The following UCN3 variants were observed in gnomAD, a reference collection of about 807,000 sequenced individuals.
The protein encoded by UCN3 is urocortin 3.
Under a neutral mutation model 3.6 loss-of-function variants are expected in UCN3, and 3 were observed. The ratio of observed to expected loss-of-function variants is 0.83; its 90% CI spans 0.38 to 2.15. The LOEUF (loss-of-function observed/expected upper bound fraction) is 2.15. UCN3 is among the 30% of genes most tolerant of loss of function. The pLI, the probability that UCN3 is intolerant of heterozygous loss-of-function variation, is 0.06. For missense variants in UCN3, 206 were observed against 208.3 expected, an observed-to-expected ratio of 0.99 and a Z score of 0.07; for synonymous variants, 100 against 93.2, an observed-to-expected ratio of 1.07 and a Z score of -0.42.
In UCN3 at chr10:5,370,446, T is replaced by C. The variant is rs1347655207; in HGVS notation, c.-6-3269T>C. ...ATATGCGTGTGTATATGCGTGTGTA[T>C]GTGTGTGTGTATATGTGTGTATATG... On this transcript the variant is annotated intron_variant, in intron 1 of 1. Coordinates refer to ENST00000380433, the MANE Select transcript of UCN3 (RefSeq NM_053049.4). Among the ~76,000 whole-genome samples the C allele has an allele frequency of 1.2e-4, 10 of 85,788 alleles. 1 individual carries two copies. The highest frequency in any genetic ancestry group is 2.3e-4 in the Non-Finnish European group (10 of 43,186). 56.3% of individuals were successfully genotyped at this position (85,788 alleles called of 152,430 possible).
At chr10:5,370,066 T>TGC (rs1491390442) in intron 1 of UCN3, among the ~76,000 whole-genome samples, 955 of 42,182 alleles carry the variant, frequency 0.023, 187 homozygotes, top group Non-Finnish European at 0.037. Flanking sequence ...TGTGTGTATA[T>TGC]GTGTGTATAT....
rs375515440 is a variant in UCN3, at chr10:5,371,279, GTA to G, written c.-6-2430_-6-2429del. Among the ~76,000 whole-genome samples, 298 of 151,054 alleles carry G rather than the reference GTA, an allele frequency of 2.0e-3. 6 individuals are homozygous for G. Among genetic ancestry groups the G allele is most frequent in the African/African-American group, 6.9e-3 (282 of 40,688 alleles). On this transcript the variant is annotated intron_variant, in intron 1 of 1. Coordinates refer to ENST00000380433, the MANE Select transcript of UCN3 (RefSeq NM_053049.4). ...GAGGTGTGTGTGCGTGTATGTGCATGTATATATGTGTGTGCATGTGTCTATAT... is the reference window on the plus strand; with the variant it reads ...GAGGTGTGTGTGCGTGTATGTGCATGTATATGTGTGTGCATGTGTCTATAT...
At chr10:5,370,366 C>CGTGTGTATGT (rs1831358654) in intron 1 of UCN3, among the ~76,000 whole-genome samples, 1 of 6,892 alleles carries the variant, frequency 1.5e-4, no homozygotes, top group Non-Finnish European at 2.6e-4. Flanking sequence ...TGTGTATATG[C>CGTGTGTATGT]GTGTGTATAT....
chr10:5,374,437 C>G lies in UCN3; in HGVS notation c.*231C>G, dbSNP rs535637905. 1 of 526,108 alleles carries G rather than the reference C, an allele frequency of 1.9e-6. No homozygotes were observed. The highest frequency in any genetic ancestry group is 3.4e-6 in the Non-Finnish European group (1 of 293,362). The allele number at this position is 526,108 out of a possible 1,614,324, so 32.6% of individuals were successfully genotyped here. On this transcript the variant is annotated 3_prime_UTR_variant, in exon 2 of 2. Coordinates refer to ENST00000380433, the MANE Select transcript of UCN3 (RefSeq NM_053049.4). ...CAGAAGTGCAGTATTGTCCAACCTT[C>G]CCAGACACAAAGCAGCTAACGTTCC... is the stretch of plus-strand genomic sequence containing the variant.
At chr10:5,373,338 G>A (rs1424364736) in intron 1 of UCN3, among the ~76,000 whole-genome samples, 1 of 152,206 alleles carries the variant, frequency 6.6e-6, no homozygotes, top group Non-Finnish European at 1.5e-5. Context: ...TAGGCTGCTA[G>A]GTGCTTACTT....
In UCN3 at chr10:5,370,849, G is replaced by GTA. The variant is rs1554811406; in HGVS notation, c.-6-2866_-6-2865insTA. Among the ~76,000 whole-genome samples, 5 of 39,230 alleles carry GTA rather than the reference G, an allele frequency of 1.3e-4. No homozygotes were observed. In the South Asian group the frequency reaches 3.6e-3, roughly 28 times the overall value. The allele number at this position is 39,230 out of a possible 152,430, so 25.7% of individuals were successfully genotyped here. ...CGCGCGTGTGTGTGCGCGTGTGTGT[G>GTA]CGCGTGTGTGTGCGTGTGTATGTGT... On this transcript the variant is annotated intron_variant, in intron 1 of 1. Transcript: ENST00000380433.
chr10:5,369,897 G>C lies in UCN3; in HGVS notation c.-6-3818G>C, dbSNP rs1248264033. Among the ~76,000 whole-genome samples the C allele has an allele frequency of 2.2e-4, 29 of 132,334 alleles. 2 individuals are homozygous for C. Among genetic ancestry groups the C allele is most frequent in the Non-Finnish European group, 3.8e-4 (24 of 63,458 alleles). 86.8% of individuals were successfully genotyped at this position (132,334 alleles called of 152,430 possible). A position where few individuals can be genotyped will look rare whatever the true frequency, so the allele number is the denominator to read the frequency against. ...TATATGTGTGTGTATATGTGTGTGT[G>C]TATATGTGTGTGTGTATATGTGTGT... On this transcript the variant is annotated intron_variant, in intron 1 of 1. Coordinates refer to ENST00000380433, the MANE Select transcript of UCN3 (RefSeq NM_053049.4).
intron 1 of UCN3, among the ~76,000 whole-genome samples, chr10:5,370,727 C>G (rs199529421): frequency 1.6e-4 from 13 of 82,870 alleles, no homozygotes; most frequent in African/African-American, 6.8e-4. Flanking sequence ...TGTGTATATG[C>G]GTGTGTATAT....
At chr10:5,370,411 G>GCGTGTATA (rs1588400244) in intron 1 of UCN3, among the ~76,000 whole-genome samples, 1 of 42,774 alleles carries the variant, frequency 2.3e-5, no homozygotes. Flanking sequence ...GTGTGTATAT[G>GCGTGTATA]TGTGTGTGTA....
At chr10:5,371,332 G>C (rs2119110805) in intron 1 of UCN3, among the ~76,000 whole-genome samples, 1 of 151,852 alleles carries the variant, frequency 6.6e-6, no homozygotes, top group African/African-American at 2.4e-5. Context: ...TGTAAGGTGT[G>C]TATATGCACA....
Position 5,365,599 on chromosome 10 carries a change from G to A in UCN3, c.-7+369G>A, listed in dbSNP as rs1216034244. Among the ~76,000 whole-genome samples the A allele has an allele frequency of 6.6e-6, 1 of 152,178 alleles. No individual in the cohort carries two copies. Among genetic ancestry groups the A allele is most frequent in the Non-Finnish European group, 1.5e-5 (1 of 68,038 alleles). Reference sequence around the variant, plus strand: ...CAAATGGGGATGGGGTAGGGATGCCGGGGCTAATGGGAGCCACAGGACATG... The same window carrying A: ...CAAATGGGGATGGGGTAGGGATGCCAGGGCTAATGGGAGCCACAGGACATG... On this transcript the variant is annotated intron_variant, in intron 1 of 1. Coordinates refer to ENST00000380433, the MANE Select transcript of UCN3 (RefSeq NM_053049.4). This position sits in a 1 kb window ranked among gnomAD's most constrained non-coding sequence, Gnocchi z 4.4.
Position 5,369,897 on chromosome 10 carries a change from GTA to G in UCN3, c.-6-3814_-6-3813del, listed in dbSNP as rs1187495813. Among the ~76,000 whole-genome samples the G allele has an allele frequency of 7.6e-5, 10 of 132,242 alleles. 1 individual carries two copies. The highest frequency in any genetic ancestry group is 1.3e-4 in the Non-Finnish European group (8 of 63,460). 86.8% of individuals were successfully genotyped at this position (132,242 alleles called of 152,430 possible). ...TATATGTGTGTGTATATGTGTGTGT[GTA>G]TATGTGTGTGTGTATATGTGTGTGT... On this transcript the variant is annotated intron_variant, in intron 1 of 1. Coordinates refer to ENST00000380433, the MANE Select transcript of UCN3 (RefSeq NM_053049.4).
chr10:5,369,925 A>ATGTG (rs200059976), intron 1 of UCN3, among the ~76,000 whole-genome samples: 1 of 54,992 alleles, frequency 1.8e-5, no homozygotes, highest in Non-Finnish European at 3.5e-5. Context: ...ATGTGTGTGT[A>ATGTG]TGTGTGTGTG....
In UCN3 at chr10:5,369,923, GTATGTGTGTGTGTGTA is replaced by G. The variant is rs1564442082; in HGVS notation, c.-6-3790_-6-3775del. Among the ~76,000 whole-genome samples the G allele has an allele frequency of 3.1e-5, 3 of 95,916 alleles. 1 individual carries two copies. In the East Asian group the frequency reaches 1.2e-3, roughly 38 times the overall value. 62.9% of individuals were successfully genotyped at this position (95,916 alleles called of 152,430 possible). On this transcript the variant is annotated intron_variant, in intron 1 of 1. Transcript: ENST00000380433. ...TATATGTGTGTGTGTATATGTGTGT[GTATGTGTGTGTGTGTA>G]TGTGTGTGTATATGTGTGTGTATAT...
In UCN3 at chr10:5,366,374, T is replaced by A. The variant is rs1554810698; in HGVS notation, c.-7+1144T>A. On this transcript the variant is annotated intron_variant, in intron 1 of 1. Transcript: ENST00000380433. This position sits in a 1 kb window ranked among gnomAD's most constrained non-coding sequence, Gnocchi z 4.2. Reference sequence around the variant, plus strand: ...TTTGCCCCTCAAATGTATTAATAACTAGATGGTGCCCAGTTATTTTCGTGG... The same window carrying A: ...TTTGCCCCTCAAATGTATTAATAACAAGATGGTGCCCAGTTATTTTCGTGG... Among the ~76,000 whole-genome samples the A allele has an allele frequency of 1.3e-5, 2 of 151,800 alleles. No homozygotes were observed. The highest frequency in any genetic ancestry group is 2.9e-5 in the Non-Finnish European group (2 of 67,864).
At position 5,373,820 on chromosome 10, in the gene UCN3, A is replaced by C. The variant is rs1554811770; in HGVS notation, c.100A>C (p.Ser34Arg). The change falls in exon 2 of 2, where the codon AGC (serine) becomes CGC (arginine). Residue 34 changes from serine to arginine, a missense_variant. Transcript: ENST00000380433. ...HKFYKAKPIF[S>R]CLNTALSEAE... Reference sequence around the variant, plus strand: ...GTTCTACAAAGCCAAGCCCATCTTCAGCTGCCTCAACACCGCCCTGTCTGA... The same window carrying C: ...GTTCTACAAAGCCAAGCCCATCTTCCGCTGCCTCAACACCGCCCTGTCTGA... 2 of 1,614,008 alleles carry C rather than the reference A, an allele frequency of 1.2e-6. No homozygotes were observed. Among genetic ancestry groups the C allele is most frequent in the Admixed American group, 3.3e-5 (2 of 60,006 alleles).
intron 1 of UCN3, 50 bp from the exon 2 acceptor site, chr10:5,373,665 G>A (rs1400401578): frequency 1.3e-6 from 2 of 1,576,974 alleles, no homozygotes; most frequent in African/African-American, 1.4e-5. Context: ...GTCCTCCAGA[G>A]CACCACGCCC....
At chr10:5,369,100 C>T (rs1038723861) in intron 1 of UCN3, among the ~76,000 whole-genome samples, 1 of 152,172 alleles carries the variant, frequency 6.6e-6, no homozygotes, top group Admixed American at 6.5e-5. Flanking sequence ...AGTTGAGAAC[C>T]GCTTACTTAG....
chr10:5,371,673 C>T (rs1480145289), intron 1 of UCN3, among the ~76,000 whole-genome samples: 8 of 152,116 alleles, frequency 5.3e-5, no homozygotes, highest in African/African-American at 1.4e-4. Context: ...GCTTGAGCAC[C>T]GACTGCCAGC....
Sources: gnomAD v4.1 joint callset for allele counts (sites outside exome capture counted in the v4.1 genomes callset) on GRCh38, gnomAD v4.1.1 for gene constraint, Gnocchi (gnomAD v3.1) non-coding constraint, MANE v1.5 for transcripts, NCBI Gene and HGNC (gene_info 2026-07-23, HGNC 2026-07-21) for gene names.